SLC26A3: variants seen among roughly 807,000 people sequenced by gnomAD.
SLC26A3 encodes the protein solute carrier family 26 member 3.
SLC26A3 carries 64 observed loss-of-function variants against 85.6 expected under a neutral mutation model. The observed-to-expected ratio is 0.75, with a 90% CI of 0.61 to 0.92. SLC26A3 has a LOEUF of 0.92. Ranked by LOEUF, SLC26A3 falls within the 40% of genes least tolerant of loss-of-function variation. SLC26A3 has a pLI of 0.00. For missense variants in SLC26A3, 922 were observed against 927.3 expected, an observed-to-expected ratio of 0.99 and a Z score of 0.07; for synonymous variants, 349 against 336.0, an observed-to-expected ratio of 1.04 and a Z score of -0.42.
Position 107,793,810 on chromosome 7 carries a change from C to T in SLC26A3, c.203G>A (p.Arg68Gln), listed in dbSNP as rs10280704. The change falls in exon 3 of 21, where the codon CGG becomes CAG. Residue 68 changes from arginine (R) to glutamine (Q), a missense_variant. Arg to Gln is a conservative substitution (Grantham distance 43). Coordinates refer to ENST00000340010, the MANE Select transcript of SLC26A3 (RefSeq NM_000111.3). ...FPIASWLPAY[R>Q]LKEWLLSDIV... ...ATCACTGAGCAACCATTCTTTAAGC[C>T]GGTATGCTGGCAACCAAGATGCTAT... 2.1e-3 allele frequency: 3,469 copies of T among 1,614,076 alleles called. 67 individuals are homozygous for T. In the African/African-American group the frequency reaches 0.041, roughly 19 times the overall value.
chr7:107,779,585 T>C (rs1794182715), intron 12 of SLC26A3, 83 bp downstream of exon 12: 1 of 1,127,608 alleles, frequency 8.9e-7, no homozygotes, highest in Non-Finnish European at 1.3e-6. Flanking sequence ...TCACTTAGTT[T>C]ACAATATAAA....
At chr7:107,775,808 A>T in intron 15 of SLC26A3, among the ~76,000 whole-genome samples, 1 of 152,340 alleles carries the variant, frequency 6.6e-6, no homozygotes, top group South Asian at 2.1e-4. Context: ...CCAAATATAC[A>T]ATATAATCTC....
intron 1 of SLC26A3, among the ~76,000 whole-genome samples, chr7:107,798,224 G>T (rs1287884774): frequency 6.7e-6 from 1 of 150,272 alleles, no homozygotes; most frequent in African/African-American, 2.4e-5. Context: ...AGTCATACAC[G>T]TTGTTGTTCT....
intron 1 of SLC26A3, among the ~76,000 whole-genome samples, chr7:107,802,488 T>C (rs1195271154): frequency 6.6e-6 from 1 of 152,134 alleles, no homozygotes; most frequent in Non-Finnish European, 1.5e-5. Flanking sequence ...CTTTCTAGGA[T>C]GTCTAGCAGA....
intron 12 of SLC26A3, among the ~76,000 whole-genome samples, chr7:107,779,095 C>A (rs1049173437): frequency 6.6e-6 from 1 of 152,090 alleles, no homozygotes; most frequent in Non-Finnish European, 1.5e-5. Context: ...TTTTAGCATG[C>A]CAAAAGGGTG....
chr7:107,787,158 C>G (rs1416496675), intron 7 of SLC26A3, among the ~76,000 whole-genome samples, 199 bp downstream of exon 7: 1 of 152,144 alleles, frequency 6.6e-6, no homozygotes, highest in Non-Finnish European at 1.5e-5. Flanking sequence ...ATCCTTGTCT[C>G]ACGTGGAAAA....
chr7:107,786,456 C>G (rs1344145740), intron 8 of SLC26A3, among the ~76,000 whole-genome samples: 1 of 152,064 alleles, frequency 6.6e-6, no homozygotes, highest in Non-Finnish European at 1.5e-5. Context: ...GCCACCGGGT[C>G]TGGCCTTACT....
intron 15 of SLC26A3, among the ~76,000 whole-genome samples, chr7:107,775,132 A>G (rs946872199): frequency 9.2e-5 from 14 of 152,200 alleles, no homozygotes; most frequent in Non-Finnish European, 1.9e-4. Flanking sequence ...TTATCCATGA[A>G]TGGACATAAA....
At chr7:107,786,969 G>A in intron 7 of SLC26A3, 60 bp from the exon 8 acceptor site, 1 of 1,434,758 alleles carries the variant, frequency 7.0e-7, no homozygotes, top group Non-Finnish European at 9.8e-7. Flanking sequence ...GTCTTGCTTT[G>A]AAGAAAAATA....
intron 3 of SLC26A3, 58 bp downstream of exon 3, chr7:107,793,684 G>A: frequency 7.5e-7 from 1 of 1,325,500 alleles, no homozygotes. Flanking sequence ...TCCCTGAGCT[G>A]TACACATTCA....
intron 1 of SLC26A3, 86 bp from the exon 2 acceptor site, chr7:107,794,683 A>G: frequency 1.5e-6 from 1 of 682,676 alleles, no homozygotes; most frequent in Non-Finnish European, 2.6e-6. Flanking sequence ...ACTGAATGTT[A>G]CCACCTTTTA....
chr7:107,799,347 G>C (rs191953910), intron 1 of SLC26A3, among the ~76,000 whole-genome samples: 389 of 152,192 alleles, frequency 2.6e-3, no homozygotes, highest in African/African-American at 8.2e-3. Flanking sequence ...AACTATGTTT[G>C]CTATAAGCCA....
chr7:107,787,038 CT>C lies in SLC26A3; in HGVS notation c.889-130del, dbSNP rs535592959. The C allele has an allele frequency of 2.7e-4, 230 of 852,404 alleles. No homozygotes were observed. The African/African-American group carries it at 3.7e-3, about 14-fold the overall frequency. 52.8% of individuals were successfully genotyped at this position (852,404 alleles called of 1,614,324 possible). Reference sequence around the variant, plus strand: ...AAGAACTCCAGCCCAGGCTTTGTTACTTTTTAAGAAATTCGGAGGCAATTCT... The same window carrying C: ...AAGAACTCCAGCCCAGGCTTTGTTACTTTTAAGAAATTCGGAGGCAATTCT... On this transcript the variant is annotated intron_variant, in intron 7 of 20. Coordinates refer to ENST00000340010, the MANE Select transcript of SLC26A3 (RefSeq NM_000111.3).
intron 11 of SLC26A3, 34 bp downstream of exon 11, chr7:107,782,763 T>G (rs745335600): frequency 6.3e-7 from 1 of 1,596,560 alleles, no homozygotes; most frequent in South Asian, 1.1e-5. Context: ...GATTTACCAC[T>G]AAAAGTAGAG....
intron 1 of SLC26A3, 60 bp from the exon 2 acceptor site, chr7:107,794,657 G>A: frequency 1.2e-6 from 1 of 826,450 alleles, no homozygotes; most frequent in South Asian, 1.4e-5. Context: ...GCAATTTACA[G>A]ATGAGTGAGC....
chr7:107,789,758 A>G (rs1584410408), intron 5 of SLC26A3, 70 bp from the exon 6 acceptor site: 1 of 1,464,466 alleles, frequency 6.8e-7, no homozygotes, highest in Non-Finnish European at 9.4e-7. Context: ...AGGATCCGCA[A>G]CTGAAATAAT....
chr7:107,792,082 A>G (rs1024266553), intron 3 of SLC26A3, 142 bp from the exon 4 acceptor site: 1 of 617,856 alleles, frequency 1.6e-6, no homozygotes, highest in African/African-American at 1.9e-5. Context: ...TGTAAATGTA[A>G]GAACTAAAAC....
chr7:107,793,107 G>C (rs935019204), intron 3 of SLC26A3, among the ~76,000 whole-genome samples: 4 of 152,312 alleles, frequency 2.6e-5, no homozygotes, highest in Non-Finnish European at 4.4e-5. Context: ...TGATGATATG[G>C]AGAAATCTGA....
At position 107,791,862 on chromosome 7, in the gene SLC26A3, AG is replaced by A. The variant is rs1423073986; in HGVS notation, c.349del (p.Leu117PhefsTer17). On this transcript the variant is annotated frameshift_variant, in exon 4 of 21. Transcript: ENST00000340010. LOFTEE classifies it high-confidence loss of function. ...TATGTGTCTGGAAGTGCCGAAGAAA[AG>A]GTAGATTATGGCTGGGAAAAAGGAT... ...YASFFPAIIY[L>X]FFGTSRHISV... 1 of 1,613,460 alleles carries A rather than the reference AG, an allele frequency of 6.2e-7. No homozygotes were observed. Among genetic ancestry groups the A allele is most frequent in the East Asian group, 2.2e-5 (1 of 44,842 alleles).
Sources: gnomAD v4.1 joint callset for allele counts (sites outside exome capture counted in the v4.1 genomes callset) on GRCh38, gnomAD v4.1.1 for gene constraint, MANE v1.5 for transcripts, NCBI Gene and HGNC (gene_info 2026-07-23, HGNC 2026-07-21) for gene names.